The following SRGAP2C variants were observed in gnomAD, a reference collection of about 807,000 sequenced individuals.
The protein encoded by SRGAP2C is SLIT-ROBO Rho GTPase activating protein 2C.
In SRGAP2C, 15 loss-of-function variants were observed where a neutral mutation model predicts 25.1. That is an observed-to-expected ratio of 0.60 (90% CI 0.40 to 0.92). SRGAP2C has a LOEUF of 0.92. SRGAP2C is among the 40% of genes least tolerant of loss of function. SRGAP2C has a pLI of 0.00. For synonymous variants in SRGAP2C, 44 were observed against 96.6 expected (o/e 0.46, Z 3.19); for missense variants, 144 against 264.4 (o/e 0.54, Z 3.16).
intron 4 of SRGAP2C, among the ~76,000 whole-genome samples, chr1:121,357,312 G>T (rs1243417583): frequency 2.2e-5 from 3 of 137,140 alleles, no homozygotes; most frequent in African/African-American, 8.4e-5. Flanking sequence ...CTGTGACCTA[G>T]GTAGTGGGGA....
At chr1:121,348,005 T>A (rs1658796400) in intron 4 of SRGAP2C, among the ~76,000 whole-genome samples, 1 of 130,102 alleles carries the variant, frequency 7.7e-6, no homozygotes. Flanking sequence ...GCGATTTCCT[T>A]TCCCCTGGGT....
chr1:121,193,017 CT>C (rs1553320038), intron 2 of SRGAP2C, among the ~76,000 whole-genome samples: 1 of 117,414 alleles, frequency 8.5e-6, no homozygotes, highest in East Asian at 2.4e-4. Context: ...CCAGAATTGA[CT>C]TTTTGGGGAA....
chr1:121,359,068 G>A (rs1430570306), intron 4 of SRGAP2C, among the ~76,000 whole-genome samples: 1 of 13,034 alleles, frequency 7.7e-5, no homozygotes. Flanking sequence ...AATATTTGCT[G>A]ATGGACTCTT....
rs587623178 is a variant in SRGAP2C at position 121,219,095 on chromosome 1, T to C, written c.67+31582T>C. 3.9e-5 allele frequency among the ~76,000 whole-genome samples: 6 copies of C among 152,196 alleles called. No individual in the cohort carries two copies. In the South Asian group the frequency reaches 1.2e-3, roughly 32 times the overall value. Reference sequence around the variant, plus strand: ...TAGAAATAACTTTTTTATACTCATATTTCACTTGTTTGTATTATATAAGAA... The same window carrying C: ...TAGAAATAACTTTTTTATACTCATACTTCACTTGTTTGTATTATATAAGAA... On this transcript the variant is annotated intron_variant, in intron 2 of 9. Coordinates refer to ENST00000367123, the MANE Select transcript of SRGAP2C (RefSeq NM_001329984.2).
chr1:121,357,582 A>C (rs1230892100), intron 4 of SRGAP2C, among the ~76,000 whole-genome samples: 6 of 147,388 alleles, frequency 4.1e-5, no homozygotes, highest in African/African-American at 1.5e-4. Flanking sequence ...TTACAGAGTC[A>C]TTTAGTTCTT....
intron 2 of SRGAP2C, among the ~76,000 whole-genome samples, chr1:121,232,734 A>G (rs2101473119): frequency 6.6e-6 from 1 of 152,316 alleles, no homozygotes; most frequent in Admixed American, 6.5e-5. Flanking sequence ...TTTTTGGGTT[A>G]AGGGAAGTTC....
chr1:121,339,281 A>T (rs1463185861), intron 4 of SRGAP2C, among the ~76,000 whole-genome samples: 5 of 49,192 alleles, frequency 1.0e-4, no homozygotes, highest in East Asian at 5.0e-4. Context: ...TTGGAGATGG[A>T]GTTTCTTTTT....
chr1:121,362,370 T>C (rs1164550065), intron 4 of SRGAP2C, among the ~76,000 whole-genome samples: 2 of 150,884 alleles, frequency 1.3e-5, no homozygotes, highest in Non-Finnish European at 3.0e-5. Context: ...GAGCAGTAAG[T>C]CAGATCACTT....
chr1:121,389,090 G>A lies in SRGAP2C; in HGVS notation c.*1235G>A, dbSNP rs1181720705. The stretch of plus-strand genomic sequence containing the variant: ...ATTTATAATTTTATTCTAAAAAATA[G>A]GACACTGCTGTACATATTGTTTTAC... On this transcript the variant is annotated 3_prime_UTR_variant, in exon 10 of 10. Transcript: ENST00000367123. The A allele has an allele frequency of 4.6e-5, 7 of 151,828 alleles. 1 individual carries two copies. The South Asian group carries it at 8.3e-4, about 18-fold the overall frequency. 9.4% of individuals were successfully genotyped at this position (151,828 alleles called of 1,614,324 possible).
At chr1:121,191,063 A>G (rs1553319674) in intron 2 of SRGAP2C, among the ~76,000 whole-genome samples, 2 of 152,214 alleles carry the variant, frequency 1.3e-5, no homozygotes, top group Non-Finnish European at 1.5e-5. Context: ...GGGTGCCCAC[A>G]TTCCTTGGAA....
intron 4 of SRGAP2C, among the ~76,000 whole-genome samples, chr1:121,357,509 C>G (rs1360121698): frequency 1.3e-5 from 2 of 152,160 alleles, no homozygotes; most frequent in African/African-American, 4.8e-5. Flanking sequence ...TATGATCTTT[C>G]TTTGTTTTGT....
At chr1:121,322,934 G>A (rs1658241714) in intron 3 of SRGAP2C, among the ~76,000 whole-genome samples, 1 of 152,106 alleles carries the variant, frequency 6.6e-6, no homozygotes, top group East Asian at 1.9e-4. Flanking sequence ...GAGAGGAAAG[G>A]GGGAAAGAAA....
intron 3 of SRGAP2C, among the ~76,000 whole-genome samples, chr1:121,322,132 A>G (rs1449723462): frequency 6.7e-6 from 1 of 149,728 alleles, no homozygotes; most frequent in Non-Finnish European, 1.5e-5. Context: ...AAGAACCAGT[A>G]TAGACCCCCC....
chr1:121,237,621 G>A (rs1448949514), intron 2 of SRGAP2C, among the ~76,000 whole-genome samples: 5 of 151,960 alleles, frequency 3.3e-5, no homozygotes, highest in African/African-American at 1.2e-4. Context: ...GGAGGTCATA[G>A]TAAAGGTAAC....
chr1:121,282,896 A>C (rs1399481851), intron 2 of SRGAP2C, among the ~76,000 whole-genome samples: 1 of 150,846 alleles, frequency 6.6e-6, no homozygotes, highest in Non-Finnish European at 1.5e-5. Flanking sequence ...AAGTAATATT[A>C]GTAAGCATTC....
At chr1:121,249,576 ATATATTTTTTTT>A (rs1329894479) in intron 2 of SRGAP2C, among the ~76,000 whole-genome samples, 13 of 21,512 alleles carry the variant, frequency 6.0e-4, no homozygotes, top group African/African-American at 8.9e-4. Flanking sequence ...ATATATATAT[ATATATTTTTTTT>A]TTTTTTTTTT....
intron 2 of SRGAP2C, among the ~76,000 whole-genome samples, chr1:121,264,526 T>C (rs1656715687): frequency 9.7e-6 from 1 of 103,000 alleles, no homozygotes; most frequent in Non-Finnish European, 1.9e-5. Context: ...ATTTAAATTC[T>C]ATGCTTCAGT....
chr1:121,298,400 A>G (rs1269949679), intron 3 of SRGAP2C, among the ~76,000 whole-genome samples: 5 of 140,910 alleles, frequency 3.5e-5, no homozygotes, highest in African/African-American at 1.3e-4. Flanking sequence ...GGGCAAATAA[A>G]AGAAGGCCAG....
intron 4 of SRGAP2C, chr1:121,362,327 A>G (rs1659213799): frequency 6.9e-6 from 1 of 145,854 alleles, no homozygotes; most frequent in Admixed American, 6.9e-5. Context: ...GGCTCGCTAC[A>G]CATGTATTCC....
Sources: allele counts gnomAD v4.1 joint callset (sites outside exome capture counted in the v4.1 genomes callset), GRCh38; gene constraint gnomAD v4.1.1; transcripts MANE v1.5; gene names NCBI Gene and HGNC (gene_info 2026-07-23, HGNC 2026-07-21).